Variants in EHHADH observed in about 807,000 individuals in gnomAD.
EHHADH encodes enoyl-CoA hydratase and 3-hydroxyacyl CoA dehydrogenase.
Under a neutral mutation model 64.4 loss-of-function variants are expected in EHHADH, and 48 were observed. That is an observed-to-expected ratio of 0.75 (90% CI 0.59 to 0.95). The LOEUF (loss-of-function observed/expected upper bound fraction) is 0.95. Among genes scored for constraint, EHHADH ranks in the 40% least tolerant of loss-of-function variants. The pLI is 0.00. For synonymous variants in EHHADH, 308 were observed against 326.7 expected, an observed-to-expected ratio of 0.94 and a Z score of 0.62; for missense variants, 854 against 876.6, an observed-to-expected ratio of 0.97 and a Z score of 0.33.
At chr3:185,238,116 A>C (rs1001266848) in intron 2 of EHHADH, among the ~76,000 whole-genome samples, 1 of 151,950 alleles carries the variant, frequency 6.6e-6, no homozygotes, top group African/African-American at 2.4e-5. Context: ...ATTCTTTTTT[A>C]TGGTTGTGTA....
chr3:185,204,824 G>A, intron 5 of EHHADH, 67 bp from the exon 6 acceptor site: 1 of 1,309,748 alleles, frequency 7.6e-7, no homozygotes, highest in Non-Finnish European at 1.1e-6. Context: ...TGAATATATA[G>A]TAATAACAAT....
At chr3:185,249,345 T>C (rs1285412641) in intron 1 of EHHADH, among the ~76,000 whole-genome samples, 1 of 152,110 alleles carries the variant, frequency 6.6e-6, no homozygotes, top group East Asian at 1.9e-4. Flanking sequence ...AACCAGGATG[T>C]TCTCGATCTC....
In EHHADH at chr3:185,204,555, T is replaced by G; in HGVS notation, c.771A>C (p.Leu257=). 1 of 1,614,200 alleles carries G rather than the reference T, an allele frequency of 6.2e-7. No individual in the cohort carries two copies. Among genetic ancestry groups the G allele is most frequent in the Non-Finnish European group, 8.5e-7 (1 of 1,180,024 alleles). ...TAGCCTGCCCTGATTGCAAAAGATATAGAAACAGCTCCTCCTCCTTCTTGA... is the reference window on the plus strand; with the variant it reads ...TAGCCTGCCCTGATTGCAAAAGATAGAGAAACAGCTCCTCCTCCTTCTTGA... The part of the protein sequence containing the change: ...VGIKKEEELF[L]YLLQSGQARA... The change falls in exon 6 of 7, where the codon CTA becomes CTC. Residue 257 remains leucine (L), a synonymous_variant. Transcript: ENST00000231887.
rs556052902 is a variant in EHHADH, at chr3:185,203,525, G to A, written c.910+891C>T. Among the ~76,000 whole-genome samples the A allele has an allele frequency of 4.6e-5, 7 of 152,248 alleles. No individual in the cohort carries two copies. The South Asian group carries it at 1.0e-3, about 23-fold the overall frequency. On this transcript the variant is annotated intron_variant, in intron 6 of 6. Coordinates refer to ENST00000231887, the MANE Select transcript of EHHADH (RefSeq NM_001966.4). The stretch of plus-strand genomic sequence containing the variant: ...ATCCACCAAAGACCGTTCTTGAGCC[G>A]AGACTAAGAGCAAGTGAAGCTTAGG...
At chr3:185,228,861 T>G (rs974096962) in intron 4 of EHHADH, among the ~76,000 whole-genome samples, 9 of 151,942 alleles carry the variant, frequency 5.9e-5, no homozygotes, top group Admixed American at 5.2e-4. Context: ...TGGAGTGCAG[T>G]GGCGTAGTCT....
chr3:185,246,065 T>C (rs1719586566), intron 2 of EHHADH: 30 of 1,273,126 alleles, frequency 2.4e-5, no homozygotes, highest in Non-Finnish European at 3.3e-5. Flanking sequence ...GACATTCTTC[T>C]TTTTCTTCTT....
chr3:185,201,549 G>C (rs1037394158), intron 6 of EHHADH, among the ~76,000 whole-genome samples: 8 of 152,132 alleles, frequency 5.3e-5, no homozygotes, highest in Admixed American at 5.2e-4. Context: ...AGGCAGAGGA[G>C]TGTCATGGAG....
intron 4 of EHHADH, among the ~76,000 whole-genome samples, chr3:185,227,261 A>G (rs1187637882): frequency 2.0e-5 from 3 of 152,250 alleles, no homozygotes; most frequent in Non-Finnish European, 4.4e-5. Flanking sequence ...GGCTGGGCGC[A>G]GCAGCTCACG....
intron 6 of EHHADH, among the ~76,000 whole-genome samples, chr3:185,200,957 G>A (rs1242226107): frequency 2.6e-5 from 4 of 152,278 alleles, no homozygotes; most frequent in East Asian, 1.9e-4. Context: ...ACTTTGGCCC[G>A]AGAGTGGCTG....
At chr3:185,242,447 A>G (rs1719480672) in intron 2 of EHHADH, among the ~76,000 whole-genome samples, 1 of 152,240 alleles carries the variant, frequency 6.6e-6, no homozygotes, top group African/African-American at 2.4e-5. Context: ...CCAAAACAGC[A>G]TGGTACTAGT....
At position 185,234,523 on chromosome 3, in the gene EHHADH, G is replaced by A. The variant is rs577783764; in HGVS notation, c.351+767C>T. 2.6e-5 allele frequency among the ~76,000 whole-genome samples: 4 copies of A among 151,352 alleles called. No homozygotes were observed. In the East Asian group the frequency reaches 7.8e-4, roughly 29 times the overall value. ...CCCTGTAGCTGATGGATCAGAGAGAGGCCCTAGGGCTAAGGTTAAGGGAAA... is the reference window on the plus strand; with the variant it reads ...CCCTGTAGCTGATGGATCAGAGAGAAGCCCTAGGGCTAAGGTTAAGGGAAA... On this transcript the variant is annotated intron_variant, in intron 3 of 6. Transcript: ENST00000231887.
chr3:185,209,586 G>A (rs1001829005), intron 5 of EHHADH, among the ~76,000 whole-genome samples: 5 of 152,190 alleles, frequency 3.3e-5, no homozygotes, highest in African/African-American at 4.8e-5. Context: ...GAACATAAGC[G>A]CATCTGGCAT....
At chr3:185,253,804 A>C in intron 1 of EHHADH, 145 bp downstream of exon 1, 1 of 1,379,216 alleles carries the variant, frequency 7.3e-7, no homozygotes, top group South Asian at 1.8e-5. Flanking sequence ...AAGAAAAGAA[A>C]AAAAAAGTTC....
chr3:185,243,408 T>A (rs1719509572), intron 2 of EHHADH, among the ~76,000 whole-genome samples: 1 of 152,226 alleles, frequency 6.6e-6, no homozygotes, highest in Non-Finnish European at 1.5e-5. Context: ...TTAATCCTCA[T>A]TATTATTTTT....
intron 5 of EHHADH, among the ~76,000 whole-genome samples, chr3:185,209,460 T>C (rs1208210201): frequency 6.6e-6 from 1 of 152,214 alleles, no homozygotes; most frequent in East Asian, 1.9e-4. Flanking sequence ...TTTTCTATAA[T>C]GTACTGGCAT....
intron 5 of EHHADH, among the ~76,000 whole-genome samples, chr3:185,211,974 AG>A (rs1166055460): frequency 6.6e-6 from 1 of 152,236 alleles, no homozygotes; most frequent in East Asian, 1.9e-4. Flanking sequence ...CATTACAGAA[AG>A]GAAAACGGAG....
intron 3 of EHHADH, among the ~76,000 whole-genome samples, chr3:185,232,999 A>T (rs557231071): frequency 7.2e-5 from 11 of 152,248 alleles, no homozygotes; most frequent in Non-Finnish European, 1.6e-4. Flanking sequence ...ATGAAAAGGC[A>T]CTAGACAGTA....
chr3:185,215,888 T>C (rs1718669269), intron 5 of EHHADH, among the ~76,000 whole-genome samples: 1 of 152,206 alleles, frequency 6.6e-6, no homozygotes, highest in African/African-American at 2.4e-5. Context: ...ATATACTGTA[T>C]AATTGCAAAT....
At chr3:185,214,475 T>C (rs1718631508) in intron 5 of EHHADH, among the ~76,000 whole-genome samples, 2 of 152,192 alleles carry the variant, frequency 1.3e-5, no homozygotes, top group Non-Finnish European at 2.9e-5. Flanking sequence ...CACACTGGCC[T>C]CCCAAAGTCA....
Sources: gnomAD v4.1 joint callset for allele counts (sites outside exome capture counted in the v4.1 genomes callset) on GRCh38, gnomAD v4.1.1 for gene constraint, MANE v1.5 for transcripts, NCBI Gene and HGNC (gene_info 2026-07-23, HGNC 2026-07-21) for gene names.